Variants in ECH1 observed in about 807,000 individuals in gnomAD.
ECH1 encodes delta(3,5)-Delta(2,4)-dienoyl-CoA isomerase, mitochondrial.
Under a neutral mutation model 37.0 loss-of-function variants are expected in ECH1, and 30 were observed. The ratio of observed to expected loss-of-function variants is 0.81; its 90% confidence interval spans 0.61 to 1.10. The LOEUF (loss-of-function observed/expected upper bound fraction) is 1.10. Ranked by LOEUF, ECH1 falls within the 50% of genes least tolerant of loss-of-function variation. The probability of loss-of-function intolerance (pLI) is 0.00; values close to 1 mark genes in which losing one functional copy is unlikely to be tolerated. For missense variants in ECH1, 456 were observed against 441.6 expected, an observed-to-expected ratio of 1.03 and a Z score of -0.29; for synonymous variants, 178 against 176.0, an observed-to-expected ratio of 1.01 and a Z score of -0.09.
intron 3 of ECH1, among the ~76,000 whole-genome samples, chr19:38,829,940 G>A (rs1971794454): frequency 6.6e-6 from 1 of 152,156 alleles, no homozygotes. Flanking sequence ...TGGATGACCT[G>A]AGGTCAGGAG....
intron 3 of ECH1, among the ~76,000 whole-genome samples, chr19:38,828,574 G>A (rs1022869303): frequency 7.3e-5 from 11 of 151,694 alleles, no homozygotes; most frequent in African/African-American, 2.7e-4. Context: ...CTGACCCCAA[G>A]ATGACCCAGA....
Position 38,816,373 on chromosome 19 carries a change from C to T in ECH1, c.660-18G>A. 1 of 1,613,940 alleles carries T rather than the reference C, an allele frequency of 6.2e-7. No individual in the cohort carries two copies. Among genetic ancestry groups the T allele is most frequent in the Non-Finnish European group, 8.5e-7 (1 of 1,179,998 alleles). On this transcript the variant is annotated intron_variant, in intron 7 of 9. Transcript: ENST00000221418. ...TGACCAGGCTGCAAAGGCAAGCGTG[C>T]ATCAGGAGGCGGCTGCCACCCCGGG...
At chr19:38,818,556 T>G in intron 3 of ECH1, 1 of 229,342 alleles carries the variant, frequency 4.4e-6, no homozygotes, top group Non-Finnish European at 7.2e-6. Flanking sequence ...TGGCAGGATC[T>G]CGGCTCAATG....
At chr19:38,817,688 A>C in intron 3 of ECH1, 113 bp from the exon 4 acceptor site, 10 of 1,431,570 alleles carry the variant, frequency 7.0e-6, no homozygotes, top group Non-Finnish European at 9.2e-6. Context: ...ACCAAGGCGG[A>C]AAAAAAACAA....
intron 3 of ECH1, among the ~76,000 whole-genome samples, chr19:38,820,717 G>A (rs1311776750): frequency 6.6e-6 from 1 of 152,078 alleles, no homozygotes; most frequent in East Asian, 1.9e-4. Flanking sequence ...CTGGCCTTCG[G>A]GGTCTTGCTG....
chr19:38,818,676 C>T (rs187737484), intron 3 of ECH1, among the ~76,000 whole-genome samples: 10 of 152,074 alleles, frequency 6.6e-5, no homozygotes, highest in Admixed American at 2.0e-4. Flanking sequence ...TTAGTAGAGA[C>T]GGGGTTTTGC....
At chr19:38,817,418 G>A (rs1480921050) in intron 4 of ECH1, 33 bp downstream of exon 4, 1 of 1,611,340 alleles carries the variant, frequency 6.2e-7, no homozygotes, top group Non-Finnish European at 8.5e-7. Flanking sequence ...AGGCGCGTAT[G>A]GAGAAAGATC....
chr19:38,828,569 C>T (rs1323037916), intron 3 of ECH1, among the ~76,000 whole-genome samples: 1 of 151,576 alleles, frequency 6.6e-6, no homozygotes, highest in Non-Finnish European at 1.5e-5. Flanking sequence ...GGAGACTGAC[C>T]CCAAGATGAC....
chr19:38,831,416 TGGGGCTTCACC>T lies in ECH1; in HGVS notation c.142_152del (p.Gly48ArgfsTer5), dbSNP rs749774146. 1.9e-6 allele frequency: 3 copies of T among 1,614,036 alleles called. No individual in the cohort carries two copies. The Admixed American group carries it at 5.0e-5, about 27-fold the overall frequency. ...CACGAAGGGACTCATAGCTGTGGTC[TGGGGCTTCACC>T]GAGGGCTACTCCGGAAGCCTCCTCT... On this transcript the variant is annotated frameshift_variant, in exon 2 of 10. Transcript: ENST00000221418. LOFTEE classifies it high-confidence loss of function.
At chr19:38,816,620 G>T in intron 6 of ECH1, 97 bp from the exon 7 acceptor site, 2 of 1,395,038 alleles carry the variant, frequency 1.4e-6, no homozygotes, top group Non-Finnish European at 2.0e-6. Flanking sequence ...GGAGAGTCCC[G>T]CCCCACCTTC....
intron 5 of ECH1, 38 bp downstream of exon 5, chr19:38,817,278 T>C (rs1600011563): frequency 6.5e-7 from 1 of 1,532,202 alleles, no homozygotes; most frequent in Non-Finnish European, 8.8e-7. Flanking sequence ...CAGCCCCACC[T>C]GGGGAGCACC....
Position 38,818,498 on chromosome 19 carries a change from T to G in ECH1, c.350-923A>C. ...ATCCTCTTTTTTTTTATTTTATTTT[T>G]TTTATTTCAGACAGAGTCTCGCTCT... On this transcript the variant is annotated intron_variant, in intron 3 of 9. Coordinates refer to ENST00000221418, the MANE Select transcript of ECH1 (RefSeq NM_001398.3). The G allele has an allele frequency of 4.7e-6, 3 of 636,786 alleles. 1 individual carries two copies. The South Asian group carries it at 2.1e-4, about 45-fold the overall frequency. The allele number at this position is 636,786 out of a possible 1,614,324, so 39.4% of individuals were successfully genotyped here. A position where few individuals can be genotyped will look rare whatever the true frequency, so the allele number is the denominator to read the frequency against.
At chr19:38,819,736 A>G (rs1371709900) in intron 3 of ECH1, among the ~76,000 whole-genome samples, 1 of 152,048 alleles carries the variant, frequency 6.6e-6, no homozygotes, top group African/African-American at 2.4e-5. Context: ...GCTTGAGGCT[A>G]AGATTTTGAG....
chr19:38,826,578 C>T (rs1371527954), intron 3 of ECH1, among the ~76,000 whole-genome samples: 1 of 152,234 alleles, frequency 6.6e-6, no homozygotes, highest in Non-Finnish European at 1.5e-5. Context: ...CTGTAACCAA[C>T]ACCTATACCC....
At chr19:38,821,702 G>C (rs951974469) in intron 3 of ECH1, among the ~76,000 whole-genome samples, 3 of 152,190 alleles carry the variant, frequency 2.0e-5, no homozygotes, top group Non-Finnish European at 4.4e-5. Context: ...TGCTGCACTC[G>C]AATACTTGCC....
At chr19:38,825,748 C>T (rs1221969755) in intron 3 of ECH1, among the ~76,000 whole-genome samples, 1 of 152,174 alleles carries the variant, frequency 6.6e-6, no homozygotes, top group Non-Finnish European at 1.5e-5. Flanking sequence ...TTTACTAGGA[C>T]ACTTTAAAAA....
rs1466388342 is a variant in ECH1 at position 38,830,520 on chromosome 19, C to A, written c.349+558G>T. Reference sequence around the variant, plus strand: ...AATGATAGGGCTGGCCATGGTGGCACCTGCCTGTAATCCCAGCATTTTGGC... The same window carrying A: ...AATGATAGGGCTGGCCATGGTGGCAACTGCCTGTAATCCCAGCATTTTGGC... On this transcript the variant is annotated intron_variant, in intron 3 of 9. Coordinates refer to ENST00000221418, the MANE Select transcript of ECH1 (RefSeq NM_001398.3). Among the ~76,000 whole-genome samples the A allele has an allele frequency of 3.3e-5, 5 of 151,906 alleles. No individual in the cohort carries two copies. The East Asian group carries it at 7.7e-4, about 23-fold the overall frequency.
chr19:38,819,074 C>T, intron 3 of ECH1: 7 of 983,656 alleles, frequency 7.1e-6, no homozygotes, highest in Non-Finnish European at 8.4e-6. Flanking sequence ...CCACTGCACT[C>T]CAGCCTGGGC....
rs754730769 is a variant in ECH1, at chr19:38,831,397, G to A, written c.172C>T (p.Leu58Phe). 2.5e-6 allele frequency: 4 copies of A among 1,614,068 alleles called. No homozygotes were observed. The highest frequency in any genetic ancestry group is 1.1e-5 in the South Asian group (1 of 91,076). ...TGTTTCTGCGCAGACGTCACACGAA[G>A]GGACTCATAGCTGTGGTCTGGGGCT... ...GEAPDHSYES[L>F]RVTSAQKHVL... The change falls in exon 2 of 10, where the codon CTT becomes TTT. Residue 58 changes from leucine to phenylalanine, a missense_variant. By Grantham distance (22) the Leu-to-Phe change is conservative. Coordinates refer to ENST00000221418, the MANE Select transcript of ECH1 (RefSeq NM_001398.3).
Sources: allele counts gnomAD v4.1 joint callset (sites outside exome capture counted in the v4.1 genomes callset), GRCh38; gene constraint gnomAD v4.1.1; transcripts MANE v1.5; gene names NCBI Gene and HGNC (gene_info 2026-07-23, HGNC 2026-07-21).